MROH9: variants seen among roughly 807,000 people sequenced by gnomAD.
MROH9 encodes maestro heat-like repeat-containing protein family member 9.
MROH9 carries 92 observed loss-of-function variants against 98.2 expected under a neutral mutation model. The ratio of observed to expected loss-of-function variants is 0.94; its 90% CI spans 0.79 to 1.11. MROH9 has a LOEUF of 1.11. MROH9 is among the 50% of genes most tolerant of loss of function. The pLI is 0.00. For missense variants in MROH9, 1,057 were observed against 1,014.8 expected, an observed-to-expected ratio of 1.04 and a Z score of -0.57; for synonymous variants, 397 against 368.9, an observed-to-expected ratio of 1.08 and a Z score of -0.87.
At chr1:171,024,617 T>C (rs1204478923) in intron 18 of MROH9, 32 bp from the exon 19 acceptor site, 3 of 1,537,478 alleles carry the variant, frequency 2.0e-6, no homozygotes, top group African/African-American at 1.4e-5. Context: ...AACAGATGAA[T>C]AGATCTTCAC....
chr1:170,943,180 A>C (rs573128237), intron 1 of MROH9, among the ~76,000 whole-genome samples: 1 of 152,218 alleles, frequency 6.6e-6, no homozygotes, highest in Admixed American at 6.5e-5. Context: ...CAGATGAAAA[A>C]CTTTTTTAAT....
In MROH9 at chr1:170,965,033, G is replaced by C. The variant is rs202153765; in HGVS notation, c.376-118G>C. The stretch of plus-strand genomic sequence containing the variant: ...TGTTTTTGAGATAAATGTAGGTTAA[G>C]TGTGAAATAACCAGGAGAATGTAGG... On this transcript the variant is annotated intron_variant, in intron 6 of 21. Transcript: ENST00000367759. The C allele has an allele frequency of 7.4e-5, 46 of 621,596 alleles. No homozygotes were observed. The East Asian group carries it at 1.2e-3, about 16-fold the overall frequency. The allele number at this position is 621,596 out of a possible 1,614,324, so 38.5% of individuals were successfully genotyped here. A position where few individuals can be genotyped will look rare whatever the true frequency, so the allele number is the denominator to read the frequency against.
intron 15 of MROH9, among the ~76,000 whole-genome samples, chr1:171,008,543 G>T (rs1037034002): frequency 3.9e-5 from 6 of 152,216 alleles, no homozygotes; most frequent in African/African-American, 1.4e-4. Flanking sequence ...TTAAAATTTT[G>T]GAAGAAGGCT....
intron 6 of MROH9, among the ~76,000 whole-genome samples, chr1:170,962,292 T>G (rs1343696587): frequency 2.6e-5 from 4 of 152,146 alleles, no homozygotes; most frequent in Admixed American, 2.6e-4. Context: ...TAAACTACCC[T>G]CAAGTTCACA....
chr1:171,018,024 C>T (rs753680080), intron 17 of MROH9, among the ~76,000 whole-genome samples: 6 of 152,150 alleles, frequency 3.9e-5, no homozygotes, highest in Non-Finnish European at 8.8e-5. Context: ...CAGCAAAGCA[C>T]ACCCCCTCCA....
rs1319958707 is a variant in MROH9 at position 170,961,889 on chromosome 1, G to A, written c.289-1G>A. ...GACTGTGCAATGTTTTTGTGTTTCA[G>A]AATTTATACCACAATATTTTAAATA... On this transcript the variant is annotated splice_acceptor_variant, in intron 5 of 21. Transcript: ENST00000367759. LOFTEE classifies it high-confidence loss of function. 4.8e-6 allele frequency: 7 copies of A among 1,447,148 alleles called. No homozygotes were observed. Among genetic ancestry groups the A allele is most frequent in the Non-Finnish European group, 6.5e-6 (7 of 1,071,660 alleles). The allele number at this position is 1,447,148 out of a possible 1,614,324, so 89.6% of individuals were successfully genotyped here. A position where few individuals can be genotyped will look rare whatever the true frequency, so the allele number is the denominator to read the frequency against.
intron 13 of MROH9, 98 bp from the exon 14 acceptor site, chr1:170,996,409 A>G: frequency 1.5e-6 from 2 of 1,370,156 alleles, no homozygotes; most frequent in Admixed American, 2.1e-5. Flanking sequence ...CTCAAAACCT[A>G]TATTCTGCCC....
chr1:171,045,991 A>G (rs770780418), intron 20 of MROH9, among the ~76,000 whole-genome samples: 2 of 152,164 alleles, frequency 1.3e-5, no homozygotes, highest in Non-Finnish European at 2.9e-5. Context: ...GGGTGCATAT[A>G]TATTTTAAAT....
At chr1:170,975,355 A>G (rs1007439432) in intron 8 of MROH9, among the ~76,000 whole-genome samples, 1 of 152,170 alleles carries the variant, frequency 6.6e-6, no homozygotes, top group Non-Finnish European at 1.5e-5. Flanking sequence ...TTTTAGAGAT[A>G]AGAATGCCTC....
rs1189589780 is a variant in MROH9 at position 171,045,375 on chromosome 1, A to G, written c.2282-16757A>G. On this transcript the variant is annotated intron_variant, in intron 20 of 21. Transcript: ENST00000367759. ...GCTCTTGCTTCTCTAGTTCTTTAAGATACATCATTAGAATGCTCATTTGGT... is the reference window on the plus strand; with the variant it reads ...GCTCTTGCTTCTCTAGTTCTTTAAGGTACATCATTAGAATGCTCATTTGGT... 3.3e-5 allele frequency among the ~76,000 whole-genome samples: 5 copies of G among 152,114 alleles called. No individual in the cohort carries two copies. In the East Asian group the frequency reaches 9.7e-4, roughly 29 times the overall value.
At chr1:170,945,196 A>G (rs1167285478) in intron 1 of MROH9, among the ~76,000 whole-genome samples, 1 of 151,940 alleles carries the variant, frequency 6.6e-6, no homozygotes, top group South Asian at 2.1e-4. Context: ...AGCCTCAAAC[A>G]ATTGAATTTT....
chr1:171,004,710 A>G (rs1382438088), intron 15 of MROH9, among the ~76,000 whole-genome samples: 1 of 152,016 alleles, frequency 6.6e-6, no homozygotes, highest in Non-Finnish European at 1.5e-5. Context: ...AAAATTCACA[A>G]TGCAGCCTCT....
At chr1:171,052,420 A>C (rs1251793264) in intron 20 of MROH9, among the ~76,000 whole-genome samples, 1 of 152,156 alleles carries the variant, frequency 6.6e-6, no homozygotes, top group Non-Finnish European at 1.5e-5. Context: ...TGTGGAGTAG[A>C]GAAACCTCCA....
At chr1:170,982,525 AT>A (rs1291777957) in intron 8 of MROH9, among the ~76,000 whole-genome samples, 7 of 151,922 alleles carry the variant, frequency 4.6e-5, no homozygotes. Context: ...AGATATGTTC[AT>A]TTTTTTTCCT....
At chr1:171,025,551 T>C (rs1652680413) in intron 20 of MROH9, 131 bp downstream of exon 20, 1 of 610,774 alleles carries the variant, frequency 1.6e-6, no homozygotes, top group African/African-American at 1.9e-5. Flanking sequence ...TGGTGATGAA[T>C]ACAGGTTGAT....
intron 3 of MROH9, among the ~76,000 whole-genome samples, chr1:170,951,455 T>C (rs1055301925): frequency 1.3e-4 from 20 of 152,094 alleles, no homozygotes; most frequent in African/African-American, 4.6e-4. Flanking sequence ...AACCCAATTA[T>C]ATTCAAAAGA....
chr1:171,024,573 T>C (rs1230672218), intron 18 of MROH9, 26 bp downstream of exon 18: 2 of 1,523,230 alleles, frequency 1.3e-6, no homozygotes, highest in East Asian at 2.5e-5. Context: ...TTCTTTTTCA[T>C]AAATTTACCA....
chr1:170,958,674 C>G (rs962834447), intron 4 of MROH9, 134 bp downstream of exon 4: 5 of 565,374 alleles, frequency 8.8e-6, no homozygotes, highest in Non-Finnish European at 1.6e-5. Context: ...ACTACTATTT[C>G]TTTCTTATAC....
At chr1:171,012,165 A>G (rs1652176641) in intron 15 of MROH9, among the ~76,000 whole-genome samples, 1 of 152,034 alleles carries the variant, frequency 6.6e-6, no homozygotes, top group South Asian at 2.1e-4. Flanking sequence ...TTGATCCACA[A>G]ATTAGGGGAA....
Sources: gnomAD v4.1 joint callset for allele counts (sites outside exome capture counted in the v4.1 genomes callset) on GRCh38, gnomAD v4.1.1 for gene constraint, MANE v1.5 for transcripts, NCBI Gene and HGNC (gene_info 2026-07-23, HGNC 2026-07-21) for gene names.